Variants in FBXL13 observed in about 807,000 individuals in gnomAD.
FBXL13 encodes the protein F-box and leucine-rich repeat protein 13.
A neutral mutation model predicts 83.6 loss-of-function variants in FBXL13; 67 were observed. The ratio of observed to expected loss-of-function variants is 0.80; its 90% CI spans 0.66 to 0.98. FBXL13 has a LOEUF of 0.98. Among genes scored for constraint, FBXL13 ranks in the 50% least tolerant of loss-of-function variants. The pLI is 0.00. For missense variants in FBXL13, 822 were observed against 866.5 expected (o/e 0.95, Z 0.64); for synonymous variants, 272 against 299.5 (o/e 0.91, Z 0.95).
downstream of FBXL13, among the ~76,000 whole-genome samples, chr7:102,812,956 C>T (rs1797530967): frequency 6.6e-6 from 1 of 151,670 alleles, no homozygotes; most frequent in Non-Finnish European, 1.5e-5. Context: ...AAGTCCCCTG[C>T]CTCAGCCTCC....
chr7:102,857,987 G>C (rs775944361), intron 16 of FBXL13, among the ~76,000 whole-genome samples: 1 of 152,070 alleles, frequency 6.6e-6, no homozygotes, highest in Non-Finnish European at 1.5e-5. Flanking sequence ...ATATCAAAGG[G>C]ATACCTACAC....
intron 9 of FBXL13, among the ~76,000 whole-genome samples, chr7:102,930,413 C>T (rs1383723238): frequency 6.6e-6 from 1 of 152,166 alleles, no homozygotes; most frequent in Non-Finnish European, 1.5e-5. Flanking sequence ...CCTTCTACCA[C>T]TCTCTAAGAC....
rs555634417 is a variant in FBXL13, at chr7:102,926,291, C to T, written c.861G>A (p.Thr287=). The stretch of plus-strand genomic sequence containing the variant: ...AACATTACCTCGGCAGGAGTCGCAT[C>T]GTCCTGTTGGTGATAGTTGTGTTAG... The change falls in exon 10 of 20, where the codon ACG becomes ACA. Residue 287 remains threonine, a synonymous_variant. Transcript: ENST00000313221. 14 of 1,613,566 alleles carry T rather than the reference C, an allele frequency of 8.7e-6. No homozygotes were observed. The African/African-American group carries it at 9.3e-5, about 11-fold the overall frequency.
At chr7:102,842,816 T>C (rs925348469) in intron 17 of FBXL13, among the ~76,000 whole-genome samples, 3 of 152,140 alleles carry the variant, frequency 2.0e-5, no homozygotes, top group African/African-American at 7.2e-5. Flanking sequence ...TAGTCCAGAG[T>C]ACAAGACTCA....
chr7:102,812,840 CTTT>C (rs908090315), downstream of FBXL13, among the ~76,000 whole-genome samples: 3 of 122,560 alleles, frequency 2.4e-5, no homozygotes, highest in Admixed American at 8.2e-5. Context: ...GATTTGGCTT[CTTT>C]TTTTTTTTTT....
chr7:103,003,294 T>G (rs1373208545), intron 6 of FBXL13, among the ~76,000 whole-genome samples: 22 of 132,256 alleles, frequency 1.7e-4, no homozygotes, highest in African/African-American at 5.5e-4. Flanking sequence ...TTTTTTTTTT[T>G]TTTTTTTTTT....
At position 103,048,461 on chromosome 7, in the gene FBXL13, T is replaced by C. The variant is rs189276563; in HGVS notation, c.-1+7183A>G. 1.7e-3 allele frequency among the ~76,000 whole-genome samples: 252 copies of C among 152,070 alleles called. 1 individual carries two copies. Among genetic ancestry groups the C allele is most frequent in the African/African-American group, 5.8e-3 (241 of 41,542 alleles). On this transcript the variant is annotated intron_variant, in intron 2 of 19. Transcript: ENST00000313221. ...AAAACAAAAATCTTTCATTACCTTTTAATATTACATGAAAATCTTGTTCAA... is the reference window on the plus strand; with the variant it reads ...AAAACAAAAATCTTTCATTACCTTTCAATATTACATGAAAATCTTGTTCAA...
chr7:102,963,881 C>T (rs1825672464), intron 7 of FBXL13, among the ~76,000 whole-genome samples: 1 of 152,084 alleles, frequency 6.6e-6, no homozygotes, highest in Non-Finnish European at 1.5e-5. Context: ...CTATAGGAAA[C>T]TTAAATCAAC....
At chr7:102,928,795 G>GCAGAGACATTATAATGA (rs1326913876) in intron 9 of FBXL13, among the ~76,000 whole-genome samples, 1 of 152,160 alleles carries the variant, frequency 6.6e-6, no homozygotes, top group Non-Finnish European at 1.5e-5. Context: ...ATAATGACAG[G>GCAGAGACATTATAATGA]CAGACATCTG....
exon 20 of FBXL13, chr7:102,813,370 G>C: frequency 6.2e-7 from 1 of 1,613,860 alleles, no homozygotes; most frequent in Non-Finnish European, 8.5e-7. Context: ...ACTGCTGTAT[G>C]TTGACTTTTT....
chr7:103,038,706 C>T (rs1795339091), intron 2 of FBXL13, among the ~76,000 whole-genome samples: 1 of 152,296 alleles, frequency 6.6e-6, no homozygotes, highest in East Asian at 1.9e-4. Context: ...CAGCAAACTC[C>T]AACAGACTGG....
chr7:103,063,712 C>CTTTTTTTTTTTT (rs34739663), intron 1 of FBXL13, among the ~76,000 whole-genome samples: 1 of 101,692 alleles, frequency 9.8e-6, no homozygotes, highest in Non-Finnish European at 1.9e-5. Flanking sequence ...CAAACTTAGG[C>CTTTTTTTTTTTT]TTTTTTTTTT....
intron 8 of FBXL13, 85 bp from the exon 10 acceptor site, chr7:102,932,018 A>G (rs1819275828): frequency 8.0e-7 from 1 of 1,256,628 alleles, no homozygotes; most frequent in Non-Finnish European, 1.1e-6. Flanking sequence ...AATGCAATGT[A>G]TTCATTAGAA....
chr7:102,974,452 C>G (rs951666383), intron 6 of FBXL13, among the ~76,000 whole-genome samples: 10 of 152,082 alleles, frequency 6.6e-5, no homozygotes, highest in Non-Finnish European at 1.5e-4. Context: ...TCCTCCTTGT[C>G]TTTTTTTGCA....
intron 2 of FBXL13, 74 bp from the exon 3 acceptor site, chr7:103,055,252 C>G (rs1797226076): frequency 1.2e-6 from 1 of 802,060 alleles, no homozygotes; most frequent in South Asian, 1.6e-5. Flanking sequence ...ATCAGTGATT[C>G]TTGTAGGTGG....
chr7:103,032,384 T>C (rs55817310), intron 2 of FBXL13, among the ~76,000 whole-genome samples: 22,779 of 152,200 alleles, frequency 0.15, 1,932 homozygotes, highest in African/African-American at 0.23. Context: ...AATCTCATAA[T>C]ATCCATCTCT....
intron 8 of FBXL13, among the ~76,000 whole-genome samples, chr7:102,959,362 T>C (rs576768427): frequency 1.3e-5 from 2 of 152,276 alleles, no homozygotes; most frequent in South Asian, 4.1e-4. Flanking sequence ...GTCTTGCGTT[T>C]GGAGTTTTTC....
At chr7:102,987,852 G>T (rs1446570353) in intron 6 of FBXL13, among the ~76,000 whole-genome samples, 2 of 152,154 alleles carry the variant, frequency 1.3e-5, no homozygotes, top group Non-Finnish European at 2.9e-5. Flanking sequence ...GGGAAGTAAC[G>T]GCTTCAAGCT....
rs1584732382 is a variant in FBXL13 at position 102,874,291 on chromosome 7, G to A, written c.1635+3176C>T. The A allele has an allele frequency of 4.1e-6, 4 of 975,398 alleles. No individual in the cohort carries two copies. In the African/African-American group the frequency reaches 5.3e-5, roughly 13 times the overall value. 60.4% of individuals were successfully genotyped at this position (975,398 alleles called of 1,614,324 possible). A position where few individuals can be genotyped will look rare whatever the true frequency, so the allele number is the denominator to read the frequency against. On this transcript the variant is annotated intron_variant, in intron 16 of 19. Coordinates refer to ENST00000313221, the Ensembl canonical transcript of FBXL13. ...TGTTTAGCTGCCCAAGTTGACATCC[G>A]GGCTGACTCATTTTAACTTCACTGT...
Sources: gnomAD v4.1 joint callset for allele counts (sites outside exome capture counted in the v4.1 genomes callset) on GRCh38, gnomAD v4.1.1 for gene constraint, MANE v1.5 for transcripts, NCBI Gene and HGNC (gene_info 2026-07-23, HGNC 2026-07-21) for gene names.